Variants in VWC2 observed in about 807,000 individuals in gnomAD.
The protein encoded by VWC2 is von Willebrand factor C domain containing 2.
In VWC2, 14 loss-of-function variants were observed where a neutral mutation model predicts 29.8. The observed-to-expected ratio is 0.47, with a 90% CI of 0.31 to 0.74. VWC2 has a LOEUF of 0.74. Among genes scored for constraint, VWC2 ranks in the 30% least tolerant of loss-of-function variants. VWC2 has a pLI of 0.05. For synonymous variants in VWC2, 213 were observed against 199.0 expected, an observed-to-expected ratio of 1.07 and a Z score of -0.59; for missense variants, 457 against 459.8, an observed-to-expected ratio of 0.99 and a Z score of 0.05.
At chr7:49,828,506 T>C (rs1263028965) in intron 3 of VWC2, among the ~76,000 whole-genome samples, 1 of 152,116 alleles carries the variant, frequency 6.6e-6, no homozygotes, top group African/African-American at 2.4e-5. Context: ...GTGTTCTAGT[T>C]GCTAAACATC....
chr7:49,904,625 C>T (rs1219461094), intron 3 of VWC2, among the ~76,000 whole-genome samples: 1 of 152,006 alleles, frequency 6.6e-6, no homozygotes, highest in Non-Finnish European at 1.5e-5. Flanking sequence ...TTATAACTTA[C>T]CACTTTTACA....
intron 2 of VWC2, among the ~76,000 whole-genome samples, chr7:49,782,380 C>T (rs1788197526): frequency 6.6e-6 from 1 of 152,142 alleles, no homozygotes; most frequent in African/African-American, 2.4e-5. Flanking sequence ...TTTAGGAAAG[C>T]AGGTCCCATG....
chr7:49,798,575 G>C (rs1245897376), intron 2 of VWC2, among the ~76,000 whole-genome samples: 3 of 152,154 alleles, frequency 2.0e-5, no homozygotes, highest in African/African-American at 7.2e-5. Flanking sequence ...GGCCATCCTG[G>C]GGCACCAAAC....
chr7:49,797,557 A>T (rs1182199328), intron 2 of VWC2, among the ~76,000 whole-genome samples: 1 of 152,198 alleles, frequency 6.6e-6, no homozygotes, highest in Admixed American at 6.5e-5. Context: ...TGATTAGTGC[A>T]TCAGCTTGGA....
At chr7:49,829,512 TA>T (rs1789478410) in intron 3 of VWC2, among the ~76,000 whole-genome samples, 1 of 152,210 alleles carries the variant, frequency 6.6e-6, no homozygotes, top group South Asian at 2.1e-4. Context: ...GCCCTTCCCC[TA>T]ATATCCCCGT....
chr7:49,804,106 A>G (rs1788812369), intron 3 of VWC2, among the ~76,000 whole-genome samples: 1 of 151,810 alleles, frequency 6.6e-6, no homozygotes, highest in Admixed American at 6.6e-5. Flanking sequence ...TTATGAAGAA[A>G]TCCTGAGGTA....
At chr7:49,879,376 G>A (rs1239088649) in intron 3 of VWC2, among the ~76,000 whole-genome samples, 1 of 152,146 alleles carries the variant, frequency 6.6e-6, no homozygotes, top group Non-Finnish European at 1.5e-5. Context: ...TTTAGCAAAT[G>A]TTTGTAGGAA....
At chr7:49,858,125 T>C (rs898733966) in intron 3 of VWC2, among the ~76,000 whole-genome samples, 2 of 152,206 alleles carry the variant, frequency 1.3e-5, no homozygotes, top group Middle Eastern at 3.2e-3. Context: ...AGTGTAAAAG[T>C]GTTCCTATTT....
intron 3 of VWC2, among the ~76,000 whole-genome samples, chr7:49,904,297 T>C (rs1792958940): frequency 6.6e-6 from 1 of 152,210 alleles, no homozygotes; most frequent in Non-Finnish European, 1.5e-5. Context: ...GATTTCTTCT[T>C]CACTCCTGTA....
chr7:49,832,428 T>C (rs1217400435), intron 3 of VWC2, among the ~76,000 whole-genome samples: 2 of 152,072 alleles, frequency 1.3e-5, no homozygotes, highest in Non-Finnish European at 2.9e-5. Context: ...TTCTGAGAAA[T>C]AGAATGAGGT....
chr7:49,811,359 C>A (rs1259248850), intron 3 of VWC2, among the ~76,000 whole-genome samples: 1 of 152,048 alleles, frequency 6.6e-6, no homozygotes, highest in Non-Finnish European at 1.5e-5. Flanking sequence ...TGATTGAATC[C>A]TAGGGGTTGA....
intron 3 of VWC2, among the ~76,000 whole-genome samples, chr7:49,821,077 A>G (rs1474415237): frequency 2.0e-5 from 3 of 152,224 alleles, no homozygotes; most frequent in Admixed American, 2.0e-4. Context: ...AAAAGTAACT[A>G]ACTCATTCTA....
chr7:49,805,400 T>C (rs1788854224), intron 3 of VWC2, among the ~76,000 whole-genome samples: 1 of 152,202 alleles, frequency 6.6e-6, no homozygotes, highest in East Asian at 1.9e-4. Context: ...TATCAAAACA[T>C]CAACAACTTA....
At chr7:49,802,879 A>T in intron 3 of VWC2, 39 bp downstream of exon 3, 1 of 1,613,246 alleles carries the variant, frequency 6.2e-7, no homozygotes, top group South Asian at 1.1e-5. Context: ...TGCACCTCCC[A>T]CCCTGATGCA....
intron 3 of VWC2, among the ~76,000 whole-genome samples, chr7:49,848,299 C>T (rs1338359170): frequency 3.9e-5 from 6 of 152,230 alleles, no homozygotes; most frequent in African/African-American, 7.2e-5. Flanking sequence ...GAGCCTCCCA[C>T]GGCAGGGTCT....
intron 3 of VWC2, among the ~76,000 whole-genome samples, chr7:49,894,181 G>T (rs1346032401): frequency 6.6e-6 from 1 of 152,114 alleles, no homozygotes; most frequent in Non-Finnish European, 1.5e-5. Context: ...TCTTTTGACA[G>T]GTTCTCACTC....
At chr7:49,884,673 A>T (rs556274955) in intron 3 of VWC2, among the ~76,000 whole-genome samples, 3 of 152,320 alleles carry the variant, frequency 2.0e-5, no homozygotes, top group African/African-American at 7.2e-5. Context: ...GGAGAGCAGG[A>T]CCTGCTGCCT....
chr7:49,894,180 A>G (rs1792266541), intron 3 of VWC2, among the ~76,000 whole-genome samples: 2 of 133,412 alleles, frequency 1.5e-5, no homozygotes, highest in Non-Finnish European at 1.6e-5. Context: ...TTCTTTTGAC[A>G]GGTTCTCACT....
intron 3 of VWC2, among the ~76,000 whole-genome samples, chr7:49,826,287 C>T (rs1789390101): frequency 6.6e-6 from 1 of 151,998 alleles, no homozygotes; most frequent in South Asian, 2.1e-4. Flanking sequence ...AATGAAGACA[C>T]AAGAAATCTT....
Sources: gnomAD v4.1 joint callset for allele counts (sites outside exome capture counted in the v4.1 genomes callset) on GRCh38, gnomAD v4.1.1 for gene constraint, MANE v1.5 for transcripts, NCBI Gene and HGNC (gene_info 2026-07-23, HGNC 2026-07-21) for gene names.